The following TSC22D1 variants were observed in gnomAD, a reference collection of about 807,000 sequenced individuals.
TSC22D1 encodes the protein TSC22 domain family protein 1.
Under a neutral mutation model 74.2 loss-of-function variants are expected in TSC22D1, and 9 were observed. That is an observed-to-expected ratio of 0.12 (90% CI 0.07 to 0.21). The LOEUF (loss-of-function observed/expected upper bound fraction) is 0.21. Ranked by LOEUF, TSC22D1 falls within the 10% of genes least tolerant of loss-of-function variation. The probability of loss-of-function intolerance (pLI) is 1.00; values close to 1 mark genes in which losing one functional copy is unlikely to be tolerated. For synonymous variants in TSC22D1, 586 were observed against 492.5 expected (o/e 1.19, Z -2.51); for missense variants, 1,427 against 1,304.7 (o/e 1.09, Z -1.44).
At chr13:44,493,879 TAACA>T (rs766819601) in intron 1 of TSC22D1, among the ~76,000 whole-genome samples, 51 of 152,216 alleles carry the variant, frequency 3.4e-4, no homozygotes, top group South Asian at 4.2e-4. Flanking sequence ...AACCACAAGC[TAACA>T]AACAGACACT....
At chr13:44,445,216 T>TACACATAC (rs1875538862) in intron 1 of TSC22D1, among the ~76,000 whole-genome samples, 1 of 144,676 alleles carries the variant, frequency 6.9e-6, no homozygotes, top group African/African-American at 2.5e-5. Context: ...AGGTCAAAGA[T>TACACATAC]ACACACACAC....
At chr13:44,521,584 C>T (rs1251255586) in intron 1 of TSC22D1, among the ~76,000 whole-genome samples, 2 of 148,396 alleles carry the variant, frequency 1.3e-5, no homozygotes, top group African/African-American at 2.5e-5. Flanking sequence ...ATGTTGTGAA[C>T]AAATGTTTTA....
intron 1 of TSC22D1, among the ~76,000 whole-genome samples, chr13:44,534,693 G>A (rs1881047132): frequency 6.6e-6 from 1 of 152,072 alleles, no homozygotes; most frequent in Non-Finnish European, 1.5e-5. Context: ...CTCAGTACAA[G>A]ACTTCCGAGT....
chr13:44,542,624 A>C (rs1396984221), intron 1 of TSC22D1, among the ~76,000 whole-genome samples: 1 of 152,136 alleles, frequency 6.6e-6, no homozygotes, highest in African/African-American at 2.4e-5. Flanking sequence ...ACCAAAACAT[A>C]ATAATTCAAC....
upstream of TSC22D1, chr13:44,576,344 ACACCC>A: frequency 2.2e-6 from 1 of 451,398 alleles, no homozygotes; most frequent in Non-Finnish European, 3.9e-6. Flanking sequence ...CTCTAGCCTC[ACACCC>A]CCCTTTATAT....
At chr13:44,548,304 G>A (rs1488277478) in intron 1 of TSC22D1, among the ~76,000 whole-genome samples, 1 of 152,220 alleles carries the variant, frequency 6.6e-6, no homozygotes, top group African/African-American at 2.4e-5. Flanking sequence ...ATCACTTGAG[G>A]TCAGGAGTTA....
At chr13:44,561,415 C>T (rs1383476562) in intron 1 of TSC22D1, among the ~76,000 whole-genome samples, 1 of 152,136 alleles carries the variant, frequency 6.6e-6, no homozygotes, top group East Asian at 1.9e-4. Context: ...CAAAAAAGAG[C>T]CCTCCATTCC....
chr13:44,563,351 C>A (rs777494060), intron 1 of TSC22D1, among the ~76,000 whole-genome samples: 15 of 152,202 alleles, frequency 9.9e-5, no homozygotes, highest in Non-Finnish European at 2.1e-4. Flanking sequence ...GAACATTTTA[C>A]AATGAAAATC....
intron 1 of TSC22D1, among the ~76,000 whole-genome samples, chr13:44,448,458 T>A (rs926927308): frequency 6.6e-6 from 1 of 152,162 alleles, no homozygotes; most frequent in Non-Finnish European, 1.5e-5. Flanking sequence ...AATTACACAG[T>A]TGTATTTACA....
At chr13:44,530,701 ATAATT>A (rs1880788238) in intron 1 of TSC22D1, among the ~76,000 whole-genome samples, 1 of 152,282 alleles carries the variant, frequency 6.6e-6, no homozygotes, top group Non-Finnish European at 1.5e-5. Flanking sequence ...AAATGGGTAA[ATAATT>A]TAAGCAGACA....
Position 44,434,544 on chromosome 13 carries a change from T to C in TSC22D1, c.*82A>G. ...CGCAGCGAGCAATGAAATGGGTGAC[T>C]GTGGAGGCAGATTCTCCCTAGCACA... On this transcript the variant is annotated 3_prime_UTR_variant, in exon 3 of 3. Coordinates refer to ENST00000458659, the MANE Select transcript of TSC22D1 (RefSeq NM_183422.4). 6.8e-7 allele frequency: 1 copy of C among 1,476,762 alleles called. No homozygotes were observed. Among genetic ancestry groups the C allele is most frequent in the Non-Finnish European group, 9.0e-7 (1 of 1,116,958 alleles). 91.5% of individuals were successfully genotyped at this position (1,476,762 alleles called of 1,614,324 possible).
At position 44,575,374 on chromosome 13, in the gene TSC22D1, T is replaced by C; in HGVS notation, c.701A>G (p.His234Arg). 2.5e-6 allele frequency: 4 copies of C among 1,613,990 alleles called. No individual in the cohort carries two copies. The Middle Eastern group carries it at 4.9e-4, about 200-fold the overall frequency. ...AACATGAGATGGATGGTGGTGACCA[T>C]GTTGGAGGTGGTGCCCATGATGAAT... ...HQIHHGHHLQ[H>R]GHHHPSHVAV... Residue 234 changes from histidine to arginine, a missense_variant, in exon 1 of 3, where the codon CAT (histidine) becomes CGT (arginine). Around this residue, in one of 3 missense-constraint regions of TSC22D1, gnomAD observed 1,343 missense variants for 1,191.5 expected, o/e 1.13. Transcript: ENST00000458659.
chr13:44,530,175 A>T (rs1880754070), intron 1 of TSC22D1, among the ~76,000 whole-genome samples: 1 of 152,172 alleles, frequency 6.6e-6, no homozygotes, highest in Non-Finnish European at 1.5e-5. Flanking sequence ...AAAAAGCTTC[A>T]GTATTCAACA....
Position 44,516,012 on chromosome 13 carries a change from A to G in TSC22D1, c.2912+57151T>C, listed in dbSNP as rs1879962402. On this transcript the variant is annotated intron_variant, in intron 1 of 2. Coordinates refer to ENST00000458659, the MANE Select transcript of TSC22D1 (RefSeq NM_183422.4). ...CCACACTTCTAGTATACTATTTTCA[A>G]GAGTAGGCAAACTTTTCATGTTTTC... Among the ~76,000 whole-genome samples, 4 of 152,334 alleles carry G rather than the reference A, an allele frequency of 2.6e-5. No individual in the cohort carries two copies. In the South Asian group the frequency reaches 8.3e-4, roughly 32 times the overall value.
intron 1 of TSC22D1, among the ~76,000 whole-genome samples, chr13:44,558,338 T>G (rs1882822430): frequency 1.3e-5 from 2 of 152,168 alleles, no homozygotes; most frequent in African/African-American, 2.4e-5. Flanking sequence ...TAAAAAAAAT[T>G]TTTGAATCAT....
At chr13:44,459,106 C>T (rs1876847264) in intron 1 of TSC22D1, among the ~76,000 whole-genome samples, 1 of 152,160 alleles carries the variant, frequency 6.6e-6, no homozygotes, top group African/African-American at 2.4e-5. Flanking sequence ...TTTTCCAGGC[C>T]CACTCATGGC....
chr13:44,537,682 C>T lies in TSC22D1; in HGVS notation c.2912+35481G>A, dbSNP rs185721453. ...AAGTCGGGAGTAAAAGCTGTAATCACTTATGGGAATTCAAAGCTCTCTGGG... is the reference window on the plus strand; with the variant it reads ...AAGTCGGGAGTAAAAGCTGTAATCATTTATGGGAATTCAAAGCTCTCTGGG... On this transcript the variant is annotated intron_variant, in intron 1 of 2. Coordinates refer to ENST00000458659, the MANE Select transcript of TSC22D1 (RefSeq NM_183422.4). 101 of 984,716 alleles carry T rather than the reference C, an allele frequency of 1.0e-4. No individual in the cohort carries two copies. The African/African-American group carries it at 1.7e-3, about 17-fold the overall frequency. The allele number at this position is 984,716 out of a possible 1,614,324, so 61.0% of individuals were successfully genotyped here.
chr13:44,563,875 ATTATT>A (rs1165066827), intron 1 of TSC22D1, among the ~76,000 whole-genome samples: 3 of 152,216 alleles, frequency 2.0e-5, no homozygotes, highest in Admixed American at 1.3e-4. Context: ...TAAGTTTCTG[ATTATT>A]TTATTTAATA....
intron 1 of TSC22D1, 134 bp downstream of exon 1, chr13:44,573,029 T>G: frequency 7.7e-7 from 1 of 1,301,136 alleles, no homozygotes; most frequent in Non-Finnish European, 1.0e-6. Flanking sequence ...CTATAAAACT[T>G]CCCATAAAAA....
Sources: gnomAD v4.1 joint callset for allele counts (sites outside exome capture counted in the v4.1 genomes callset) on GRCh38, gnomAD v4.1.1 for gene constraint, gnomAD v4.1.1 regional missense constraint, MANE v1.5 for transcripts, NCBI Gene and HGNC (gene_info 2026-07-23, HGNC 2026-07-21) for gene names.